Variants in OPCML observed in about 807,000 individuals in gnomAD.
OPCML encodes the protein opioid binding protein/cell adhesion molecule like.
A neutral mutation model predicts 37.8 loss-of-function variants in OPCML; 13 were observed. The ratio of observed to expected loss-of-function variants is 0.34; its 90% CI spans 0.22 to 0.55. The LOEUF is 0.55. OPCML is among the 20% of genes least tolerant of loss of function. The probability of loss-of-function intolerance (pLI) is 0.91; values close to 1 mark genes in which losing one functional copy is unlikely to be tolerated. For synonymous variants in OPCML, 176 were observed against 168.8 expected (o/e 1.04, Z -0.33); for missense variants, 341 against 435.6 (o/e 0.78, Z 1.93).
intron 1 of OPCML, among the ~76,000 whole-genome samples, chr11:133,152,988 C>T (rs968719708): frequency 5.3e-5 from 8 of 151,984 alleles, no homozygotes; most frequent in African/African-American, 1.9e-4. Context: ...AGGGAGCAGT[C>T]TCCACAGCGG....
At chr11:133,042,423 G>A (rs561843461) in intron 1 of OPCML, among the ~76,000 whole-genome samples, 12 of 152,306 alleles carry the variant, frequency 7.9e-5, no homozygotes, top group African/African-American at 2.2e-4. Flanking sequence ...CCGGCTAGGC[G>A]CATCATGACC....
chr11:133,476,954 G>T (rs1947252806), intron 1 of OPCML, among the ~76,000 whole-genome samples: 1 of 152,168 alleles, frequency 6.6e-6, no homozygotes, highest in Non-Finnish European at 1.5e-5. Context: ...GCACTAGACT[G>T]GGTGTGAAGG....
chr11:132,803,063 T>A (rs1352436712), intron 2 of OPCML, among the ~76,000 whole-genome samples: 2 of 152,330 alleles, frequency 1.3e-5, no homozygotes, highest in East Asian at 3.9e-4. Context: ...TGTTTTGGAA[T>A]GGTTTAATCC....
intron 1 of OPCML, among the ~76,000 whole-genome samples, chr11:133,467,092 G>A (rs1328619967): frequency 1.3e-5 from 2 of 152,166 alleles, no homozygotes; most frequent in African/African-American, 4.8e-5. Context: ...TTAACCCACT[G>A]CTCTCCTGAT....
chr11:132,481,047 T>A (rs2096178394), intron 4 of OPCML, among the ~76,000 whole-genome samples: 1 of 152,188 alleles, frequency 6.6e-6, no homozygotes, highest in Admixed American at 6.5e-5. Context: ...ATATTAACTT[T>A]AAATGTAAAT....
At chr11:132,885,005 T>C (rs1019230482) in intron 2 of OPCML, among the ~76,000 whole-genome samples, 4 of 152,172 alleles carry the variant, frequency 2.6e-5, no homozygotes, top group South Asian at 2.1e-4. Context: ...CTGGCTGACA[T>C]TGATCATGTG....
intron 1 of OPCML, among the ~76,000 whole-genome samples, chr11:133,516,606 CA>C (rs1948277913): frequency 6.6e-6 from 1 of 152,124 alleles, no homozygotes. Context: ...AATTTCTCCT[CA>C]GGGGCAAGGG....
intron 4 of OPCML, among the ~76,000 whole-genome samples, chr11:132,483,884 A>G (rs1308048920): frequency 6.6e-6 from 1 of 151,970 alleles, no homozygotes; most frequent in African/African-American, 2.4e-5. Context: ...CTGAAACTGG[A>G]TCCCTTCCTT....
chr11:133,149,386 C>T (rs982157046), intron 1 of OPCML, among the ~76,000 whole-genome samples: 1 of 152,218 alleles, frequency 6.6e-6, no homozygotes, highest in Non-Finnish European at 1.5e-5. Context: ...TTCTTTCCTA[C>T]TGTTTTTAGC....
At chr11:132,654,100 G>C (rs900728237) in intron 3 of OPCML, among the ~76,000 whole-genome samples, 1 of 152,158 alleles carries the variant, frequency 6.6e-6, no homozygotes, top group Admixed American at 6.5e-5. Context: ...CTATAGACTG[G>C]ACAAAAGCTG....
chr11:132,451,324 G>C (rs1042141749), intron 4 of OPCML, among the ~76,000 whole-genome samples: 2 of 142,308 alleles, frequency 1.4e-5, no homozygotes, highest in Non-Finnish European at 3.1e-5. Flanking sequence ...TAACTTTGTC[G>C]AATTAGCAAG....
intron 3 of OPCML, among the ~76,000 whole-genome samples, chr11:132,648,510 C>G (rs1038326657): frequency 1.3e-5 from 2 of 150,988 alleles, no homozygotes; most frequent in Admixed American, 6.6e-5. Context: ...GGCCCTGACA[C>G]TTCTCTCTGT....
intron 1 of OPCML, among the ~76,000 whole-genome samples, chr11:133,263,619 G>C (rs1044048997): frequency 2.0e-5 from 3 of 152,116 alleles, no homozygotes; most frequent in Non-Finnish European, 2.9e-5. Flanking sequence ...TGTAACTGTA[G>C]TTACTATGCA....
chr11:132,545,638 T>A (rs911157120), intron 3 of OPCML, among the ~76,000 whole-genome samples: 1 of 152,228 alleles, frequency 6.6e-6, no homozygotes, highest in African/African-American at 2.4e-5. Context: ...ATTTTGTTTA[T>A]CCATCCAATG....
At chr11:133,024,299 G>A (rs1591922595) in intron 1 of OPCML, 1 of 960,384 alleles carries the variant, frequency 1.0e-6, no homozygotes, top group Non-Finnish European at 1.2e-6. Context: ...GTGCAGTGTT[G>A]ATGGAAGTTG....
intron 1 of OPCML, among the ~76,000 whole-genome samples, chr11:133,119,832 C>A (rs1276491231): frequency 6.6e-6 from 1 of 152,100 alleles, no homozygotes; most frequent in Admixed American, 6.6e-5. Flanking sequence ...GCACAGGATG[C>A]ACGTGGGAGT....
At chr11:133,333,388 G>A (rs896244391) in intron 1 of OPCML, among the ~76,000 whole-genome samples, 100 of 148,726 alleles carry the variant, frequency 6.7e-4, no homozygotes, top group Non-Finnish European at 9.0e-5. Context: ...CAAGCAATGG[G>A]AAAAAAAAAA....
chr11:133,372,583 C>T (rs561356921), intron 1 of OPCML, among the ~76,000 whole-genome samples: 52 of 152,286 alleles, frequency 3.4e-4, no homozygotes, highest in African/African-American at 1.2e-3. Flanking sequence ...TAAAATAAAT[C>T]GTTCTCCTGT....
intron 1 of OPCML, among the ~76,000 whole-genome samples, chr11:133,473,447 T>C (rs933383069): frequency 3.3e-5 from 5 of 152,176 alleles, no homozygotes; most frequent in African/African-American, 9.7e-5. Context: ...TTTTAAATAA[T>C]TTCAACCCCT....
Sources: gnomAD v4.1 joint callset for allele counts (sites outside exome capture counted in the v4.1 genomes callset) on GRCh38, gnomAD v4.1.1 for gene constraint, MANE v1.5 for transcripts, NCBI Gene and HGNC (gene_info 2026-07-23, HGNC 2026-07-21) for gene names.